The following DOCK9 variants were observed in gnomAD, a reference collection of about 807,000 sequenced individuals.
The protein encoded by DOCK9 is dedicator of cytokinesis 9.
DOCK9 carries 89 observed loss-of-function variants against 263.3 expected under a neutral mutation model. The observed-to-expected ratio is 0.34, with a 90% CI of 0.28 to 0.40. The LOEUF is 0.40. Among genes scored for constraint, DOCK9 ranks in the 10% least tolerant of loss-of-function variants. DOCK9 has a pLI of 1.00. For missense variants in DOCK9, 2,140 were observed against 2,603.4 expected, an observed-to-expected ratio of 0.82 and a Z score of 3.87; for synonymous variants, 976 against 973.1, an observed-to-expected ratio of 1.00 and a Z score of -0.06.
intron 15 of DOCK9, among the ~76,000 whole-genome samples, 166 bp from the exon 16 acceptor site, chr13:98,888,877 A>G (rs1355634392): frequency 6.6e-6 from 1 of 152,238 alleles, no homozygotes; most frequent in African/African-American, 2.4e-5. Context: ...CATTAATTTT[A>G]ATAATATACT....
rs115706424 is a variant in DOCK9, at chr13:99,056,843, G to A, written c.129+29380C>T. On this transcript the variant is annotated intron_variant, in intron 1 of 32. Transcript: ENST00000427887. ...AGGCCAAGGAGCAGCTCCTCGCCCTGAGGAAAGACAGTGGCCCTGAGGAGC... is the reference window on the plus strand; with the variant it reads ...AGGCCAAGGAGCAGCTCCTCGCCCTAAGGAAAGACAGTGGCCCTGAGGAGC... Among the ~76,000 whole-genome samples the A allele has an allele frequency of 4.0e-3, 613 of 152,342 alleles. 6 individuals carry two copies. The highest frequency in any genetic ancestry group is 0.014 in the African/African-American group (595 of 41,578).
chr13:98,848,779 G>A (rs2093469615), intron 36 of DOCK9, 140 bp from the exon 37 acceptor site: 1 of 924,092 alleles, frequency 1.1e-6, no homozygotes, highest in South Asian at 1.7e-5. Flanking sequence ...CATTCAGAAT[G>A]GTTTTTGGGA....
intron 1 of DOCK9, among the ~76,000 whole-genome samples, chr13:99,084,313 C>T (rs1267662989): frequency 6.6e-6 from 1 of 152,218 alleles, no homozygotes; most frequent in East Asian, 1.9e-4. Flanking sequence ...AATGCATTTC[C>T]TATTTCCCAT....
chr13:98,920,068 G>A (rs2051666078), intron 7 of DOCK9, among the ~76,000 whole-genome samples: 1 of 152,142 alleles, frequency 6.6e-6, no homozygotes, highest in South Asian at 2.1e-4. Context: ...TGATGGACAG[G>A]GAAATTGACA....
At chr13:98,821,959 T>G (rs2092298890) in intron 45 of DOCK9, among the ~76,000 whole-genome samples, 1 of 152,198 alleles carries the variant, frequency 6.6e-6, no homozygotes, top group African/African-American at 2.4e-5. Context: ...GGCAGAGATT[T>G]TCATCTCTCT....
intron 5 of DOCK9, among the ~76,000 whole-genome samples, chr13:98,922,521 G>A (rs1449791839): frequency 6.6e-6 from 1 of 152,102 alleles, no homozygotes. Context: ...TATAGTCAGA[G>A]GACAAAAGCA....
intron 1 of DOCK9, among the ~76,000 whole-genome samples, chr13:99,054,772 C>G (rs567172600): frequency 1.6e-3 from 249 of 152,332 alleles, no homozygotes; most frequent in Middle Eastern, 3.4e-3. Context: ...AGCACTATCA[C>G]AAGCACCATC....
Position 98,863,071 on chromosome 13 carries a change from A to G in DOCK9, c.3527T>C (p.Val1176Ala). 4.3e-6 allele frequency: 7 copies of G among 1,611,966 alleles called. No homozygotes were observed. Among genetic ancestry groups the G allele is most frequent in the Non-Finnish European group, 5.9e-6 (7 of 1,179,192 alleles). The change falls in exon 32 of 53, where the codon GTC (valine) becomes GCC (alanine). Residue 1176 changes from valine to alanine, a missense_variant. Physicochemically the swap from Val to Ala is moderately conservative, Grantham distance 64. This residue lies in a region of DOCK9 where 1,521 missense variants were observed against 1,741.7 expected (regional missense o/e 0.87). Coordinates refer to ENST00000682017, the MANE Select transcript of DOCK9 (RefSeq NM_001366683.2). ...LPLFGLLIEN[V>A]QRINVRDVSP... is the part of the protein sequence containing the mutation. ...CACATCCCTCACATTGATCCGCTGG[A>G]CGTTTTCAATCAGCAGACCAAACAG...
intron 1 of DOCK9, among the ~76,000 whole-genome samples, chr13:98,960,948 T>A (rs1274351365): frequency 6.6e-6 from 1 of 152,200 alleles, no homozygotes; most frequent in Non-Finnish European, 1.5e-5. Flanking sequence ...GAAAATTGTA[T>A]ACATTCTTTG....
chr13:99,057,450 C>A (rs181277760), intron 1 of DOCK9, among the ~76,000 whole-genome samples: 3 of 152,280 alleles, frequency 2.0e-5, no homozygotes, highest in Admixed American at 2.0e-4. Context: ...CCTGGGTGAG[C>A]TGAGGACCAG....
intron 27 of DOCK9, among the ~76,000 whole-genome samples, chr13:98,872,292 GAAGA>G (rs137909724): frequency 0.012 from 1,830 of 152,318 alleles, 74 homozygotes; most frequent in Admixed American, 0.077. Flanking sequence ...ATGGGGCTGA[GAAGA>G]AATTTACCAA....
In DOCK9 at chr13:98,850,088, C is replaced by G; in HGVS notation, c.3972G>C (p.Lys1324Asn). The change falls in exon 36 of 53, where the codon AAG becomes AAC. Residue 1324 changes from lysine to asparagine, a missense_variant. Lys to Asn is a moderately conservative substitution (Grantham distance 94). Transcript: ENST00000682017. ...AATCCATAAGTTCAGATGTTGAAGC[C>G]TTGTTCCAATATGTAAACAAAGCAT... ...SDDALFTYWNKASTSELMDFF... is the reference protein window; with the variant it reads ...SDDALFTYWNNASTSELMDFF... 6.4e-7 allele frequency: 1 copy of G among 1,554,140 alleles called. No homozygotes were observed. Among genetic ancestry groups the G allele is most frequent in the Non-Finnish European group, 8.7e-7 (1 of 1,153,808 alleles).
In DOCK9 at chr13:98,847,927, G is replaced by A. The variant is rs1409307190; in HGVS notation, c.4061+665C>T. ...AGGACAAGAGGTGCTGCGAAGAAAC[G>A]CCCCCAAAGAAGGCGTGTCCAGCCA... On this transcript the variant is annotated intron_variant, in intron 37 of 52. Transcript: ENST00000682017. Among the ~76,000 whole-genome samples, 7 of 152,182 alleles carry A rather than the reference G, an allele frequency of 4.6e-5. No homozygotes were observed. In the South Asian group the frequency reaches 6.2e-4, roughly 13 times the overall value.
At chr13:98,885,536 T>TAAAAAAAAAAA (rs11411440) in intron 20 of DOCK9, 172 bp downstream of exon 20, 1 of 466,252 alleles carries the variant, frequency 2.1e-6, no homozygotes. Flanking sequence ...GCTCAAAAAT[T>TAAAAAAAAAAA]AAAAAAAAAA....
At chr13:98,833,608 G>A (rs79809470) in intron 39 of DOCK9, among the ~76,000 whole-genome samples, 1,920 of 152,238 alleles carry the variant, frequency 0.013, 67 homozygotes, top group Admixed American at 0.076. Flanking sequence ...TTGTTTGCAA[G>A]AATGGAGTTA....
intron 1 of DOCK9, among the ~76,000 whole-genome samples, chr13:98,959,898 G>T (rs576082346): frequency 6.6e-6 from 1 of 152,298 alleles, no homozygotes; most frequent in South Asian, 2.1e-4. Context: ...TGATTCACTG[G>T]TGACAGCTGT....
chr13:98,888,303 G>A (rs2046111327), intron 17 of DOCK9, 57 bp downstream of exon 17: 15 of 1,601,766 alleles, frequency 9.4e-6, no homozygotes, highest in Non-Finnish European at 1.3e-5. Flanking sequence ...AACATGGGAC[G>A]CTGAATCTAA....
chr13:99,072,329 G>C (rs975857885), intron 1 of DOCK9, among the ~76,000 whole-genome samples: 1 of 152,116 alleles, frequency 6.6e-6, no homozygotes, highest in Admixed American at 6.5e-5. Flanking sequence ...TGATTTAGAG[G>C]GTGAAGTAGG....
rs2047713768 is a variant in DOCK9 at position 98,898,142 on chromosome 13, C to G, written c.1586+37G>C. ...CCTATTGACCCATCCATGCACCTAT[C>G]TATATCGATTTAAAAGGTATAAAAG... On this transcript the variant is annotated intron_variant, in intron 14 of 52. Coordinates refer to ENST00000682017, the MANE Select transcript of DOCK9 (RefSeq NM_001366683.2). The G allele has an allele frequency of 4.1e-6, 6 of 1,470,328 alleles. No homozygotes were observed. In the South Asian group the frequency reaches 5.9e-5, roughly 15 times the overall value. The allele number at this position is 1,470,328 out of a possible 1,614,324, so 91.1% of individuals were successfully genotyped here.
Sources: allele counts gnomAD v4.1 joint callset (sites outside exome capture counted in the v4.1 genomes callset), GRCh38; gene constraint gnomAD v4.1.1; regional missense constraint gnomAD v4.1.1; transcripts MANE v1.5; gene names NCBI Gene and HGNC (gene_info 2026-07-23, HGNC 2026-07-21).